The following MAST4 variants were observed in gnomAD, a reference collection of about 807,000 sequenced individuals.
MAST4 encodes microtubule associated serine/threonine kinase family member 4, also known as microtubule-associated serine/threonine-protein kinase 4.
A neutral mutation model predicts 162.7 loss-of-function variants in MAST4; 89 were observed. That is an observed-to-expected ratio of 0.55 (90% CI 0.46 to 0.65). The LOEUF is 0.65. Ranked by LOEUF, MAST4 falls within the 30% of genes least tolerant of loss-of-function variation. The pLI is 0.00. For synonymous variants in MAST4, 1,479 were observed against 1,361.1 expected (o/e 1.09, Z -1.91); for missense variants, 3,153 against 3,374.0 (o/e 0.93, Z 1.62).
At chr5:66,662,047 G>T (rs1315104974) in intron 1 of MAST4, among the ~76,000 whole-genome samples, 1 of 151,590 alleles carries the variant, frequency 6.6e-6, no homozygotes, top group East Asian at 1.9e-4. Flanking sequence ...CCTATACTGT[G>T]CCCAGTATTC....
chr5:66,621,994 C>T (rs1744106599), intron 1 of MAST4, among the ~76,000 whole-genome samples: 1 of 152,126 alleles, frequency 6.6e-6, no homozygotes, highest in South Asian at 2.1e-4. Context: ...TGTGTTCCAA[C>T]AACACTGCTA....
chr5:67,053,285 G>C (rs1561581817), intron 4 of MAST4, among the ~76,000 whole-genome samples: 1 of 152,182 alleles, frequency 6.6e-6, no homozygotes, highest in Non-Finnish European at 1.5e-5. Flanking sequence ...GTTTGGTTTT[G>C]AAATGTATTA....
rs73102407 is a variant in MAST4 at position 66,596,766 on chromosome 5, C to T, written c.111C>T (p.Ser37=). The change falls in exon 1 of 29, where the codon TCC becomes TCT. Residue 37 remains serine, a synonymous_variant. Transcript: ENST00000403625. ...TCGCCGCGTCCTCTCCGGGTGCTTC[C>T]TCGGCCGAGTCCTCCTCGGGCTCAG... ...ALVAASSPGA[S]SAESSSGSET... 0.08 allele frequency: 111,233 copies of T among 1,391,832 alleles called. 5,955 individuals carry two copies. The highest frequency in any genetic ancestry group is 0.31 in the East Asian group (11,083 of 35,394). The allele number at this position is 1,391,832 out of a possible 1,614,324, so 86.2% of individuals were successfully genotyped here. A position where few individuals can be genotyped will look rare whatever the true frequency, so the allele number is the denominator to read the frequency against.
intron 4 of MAST4, among the ~76,000 whole-genome samples, chr5:66,989,693 A>G (rs1272721799): frequency 6.6e-6 from 1 of 152,232 alleles, no homozygotes; most frequent in African/African-American, 2.4e-5. Context: ...TAAACAACAC[A>G]GTCACACTAA....
chr5:67,106,478 C>G (rs1194248231), intron 10 of MAST4, among the ~76,000 whole-genome samples: 2 of 152,194 alleles, frequency 1.3e-5, no homozygotes, highest in Non-Finnish European at 2.9e-5. Context: ...TCTCTCCCTT[C>G]ATCAAGCAAC....
At chr5:67,114,241 A>G (rs1268787339) in intron 12 of MAST4, 22 bp downstream of exon 12, 2 of 1,600,062 alleles carry the variant, frequency 1.2e-6, no homozygotes, top group East Asian at 2.3e-5. Flanking sequence ...GGTTGTTCCT[A>G]CCTTTGACTT....
chr5:66,683,071 G>A (rs1748430929), intron 1 of MAST4, among the ~76,000 whole-genome samples: 2 of 152,116 alleles, frequency 1.3e-5, no homozygotes, highest in South Asian at 4.1e-4. Context: ...CCTCCATCAG[G>A]AACAAGACCC....
rs185952446 is a variant in MAST4, at chr5:67,047,115, C to T, written c.675-7289C>T. Among the ~76,000 whole-genome samples the T allele has an allele frequency of 8.9e-3, 1,355 of 152,320 alleles. 12 individuals are homozygous for T. Among genetic ancestry groups the T allele is most frequent in the Middle Eastern group, 0.024 (7 of 294 alleles). The stretch of plus-strand genomic sequence containing the variant: ...CTGTTTTTGTATAAACTAATTTTTA[C>T]AGTAAAATACTATATTTGAAAGCAG... On this transcript the variant is annotated intron_variant, in intron 4 of 28. Coordinates refer to ENST00000403625, the MANE Select transcript of MAST4 (RefSeq NM_001164664.2).
At chr5:66,692,924 T>C (rs545054850) in intron 1 of MAST4, among the ~76,000 whole-genome samples, 39 of 152,102 alleles carry the variant, frequency 2.6e-4, no homozygotes, top group African/African-American at 9.2e-4. Flanking sequence ...CAGTCGTCTG[T>C]CCATTGAATA....
At chr5:66,885,018 G>A (rs1455946349) in intron 3 of MAST4, among the ~76,000 whole-genome samples, 3 of 152,210 alleles carry the variant, frequency 2.0e-5, no homozygotes, top group Admixed American at 2.0e-4. Flanking sequence ...GGAGTGTTAT[G>A]CAAGTAGCTG....
At chr5:66,779,069 A>T (rs961320799) in intron 2 of MAST4, among the ~76,000 whole-genome samples, 2 of 152,222 alleles carry the variant, frequency 1.3e-5, no homozygotes, top group African/African-American at 2.4e-5. Flanking sequence ...TATAGTTAGC[A>T]ATGTTGTGTT....
intron 5 of MAST4, among the ~76,000 whole-genome samples, chr5:67,078,874 A>C (rs1762100041): frequency 1.8e-5 from 2 of 113,578 alleles, no homozygotes; most frequent in Admixed American, 1.2e-4. Flanking sequence ...ATATATATTT[A>C]TATAAATATA....
intron 3 of MAST4, among the ~76,000 whole-genome samples, chr5:66,819,539 G>T (rs1282426968): frequency 1.3e-5 from 2 of 152,148 alleles, no homozygotes; most frequent in Middle Eastern, 3.2e-3. Context: ...AAAGACACAG[G>T]TGTAAGAAAG....
intron 1 of MAST4, among the ~76,000 whole-genome samples, chr5:66,685,714 A>G (rs1441638431): frequency 1.3e-5 from 2 of 152,276 alleles, no homozygotes; most frequent in Admixed American, 1.3e-4. Flanking sequence ...CCACTGCTAT[A>G]CAAAGAGATG....
At chr5:67,027,078 ATATC>A (rs1379677257) in intron 4 of MAST4, among the ~76,000 whole-genome samples, 2 of 152,126 alleles carry the variant, frequency 1.3e-5, no homozygotes, top group Non-Finnish European at 2.9e-5. Flanking sequence ...TTATTGTAAA[ATATC>A]AGAGTTATTG....
intron 4 of MAST4, among the ~76,000 whole-genome samples, chr5:66,955,841 A>G (rs1236609441): frequency 6.6e-6 from 1 of 152,212 alleles, no homozygotes; most frequent in Non-Finnish European, 1.5e-5. Context: ...TGAAGTGTGT[A>G]CATACACAAT....
intron 1 of MAST4, among the ~76,000 whole-genome samples, chr5:66,719,622 T>C (rs1357549140): frequency 6.6e-6 from 1 of 152,186 alleles, no homozygotes; most frequent in East Asian, 1.9e-4. Context: ...GGTATACAAG[T>C]GCCATGATGG....
intron 4 of MAST4, among the ~76,000 whole-genome samples, chr5:66,953,366 C>T (rs1487076334): frequency 6.6e-6 from 1 of 152,194 alleles, no homozygotes; most frequent in Non-Finnish European, 1.5e-5. Context: ...GCCTCAGACA[C>T]ATACAACTGG....
chr5:66,617,018 A>G (rs1579999324), intron 1 of MAST4, among the ~76,000 whole-genome samples: 1 of 152,202 alleles, frequency 6.6e-6, no homozygotes, highest in Non-Finnish European at 1.5e-5. Flanking sequence ...CACCTTGCAC[A>G]TTCATATCTG....
Sources: gnomAD v4.1 joint callset for allele counts (sites outside exome capture counted in the v4.1 genomes callset) on GRCh38, gnomAD v4.1.1 for gene constraint, MANE v1.5 for transcripts, NCBI Gene and HGNC (gene_info 2026-07-23, HGNC 2026-07-21) for gene names.